CLCN5: variants seen among roughly 807,000 people sequenced by gnomAD.
The protein encoded by CLCN5 is Cl-/H+ antiporter 5, also known as H(+)/Cl(-) exchange transporter 5.
CLCN5 carries 17 observed loss-of-function variants against 54.0 expected under a neutral mutation model. That is an observed-to-expected ratio of 0.31 (90% CI 0.22 to 0.47). The LOEUF is 0.47. CLCN5 is among the 20% of genes least tolerant of loss of function. The probability of loss-of-function intolerance (pLI) is 1.00; values close to 1 mark genes in which losing one functional copy is unlikely to be tolerated. For synonymous variants in CLCN5, 222 were observed against 233.0 expected (o/e 0.95, Z 0.43); for missense variants, 448 against 646.7 (o/e 0.69, Z 3.33).
At chrX:49,966,525 T>C (rs1345521242) in intron 3 of CLCN5, among the ~76,000 whole-genome samples, 1 of 106,255 alleles carries the variant, frequency 9.4e-6, no homozygotes, top group African/African-American at 3.3e-5. Context: ...TTCCTTGATT[T>C]TTCTTTCATT....
At chrX:50,086,116 A>G in intron 10 of CLCN5, 56 bp downstream of exon 10, 1 of 976,887 alleles carries the variant, frequency 1.0e-6, no homozygotes, top group East Asian at 3.0e-5. Context: ...AATTTTGTAC[A>G]TTGCAGCGCA....
At chrX:50,019,336 C>G (rs1404424818) in intron 3 of CLCN5, among the ~76,000 whole-genome samples, 1 of 109,712 alleles carries the variant, frequency 9.1e-6, no homozygotes, top group African/African-American at 3.3e-5. Context: ...TGTAATTATA[C>G]ATATTTGTGG....
intron 3 of CLCN5, among the ~76,000 whole-genome samples, chrX:49,957,247 C>T (rs1468523235): frequency 9.0e-6 from 1 of 111,158 alleles, no homozygotes; most frequent in African/African-American, 3.3e-5. Context: ...CTGCAGTGAG[C>T]CAAGATTGCA....
chrX:50,023,102 G>A lies in CLCN5; in HGVS notation c.17-19214G>A, dbSNP rs1440067161. Among the ~76,000 whole-genome samples the A allele has an allele frequency of 8.2e-5, 8 of 97,577 alleles. No individual in the cohort carries two copies. In the Admixed American group the frequency reaches 8.3e-4, roughly 10 times the overall value. The allele number at this position is 97,577 out of a possible 115,157, so 84.7% of individuals were successfully genotyped here. ...TGTTAAAGTCTCCCATTATTAATGT[G>A]TGGGAGTCTTAAGTCTCTTTGTAGG... On this transcript the variant is annotated intron_variant, in intron 3 of 14. Coordinates refer to ENST00000376091, the MANE Select transcript of CLCN5 (RefSeq NM_001127898.4).
rs782124447 is a variant in CLCN5 at position 50,092,783 on chromosome X, G to A, written c.*564G>A. ...TTACAATATTTAGCATTATTAGTTTGTTATGTGTGTATGTTTATGTTAATT... is the reference window on the plus strand; with the variant it reads ...TTACAATATTTAGCATTATTAGTTTATTATGTGTGTATGTTTATGTTAATT... On this transcript the variant is annotated 3_prime_UTR_variant, in exon 15 of 15. Transcript: ENST00000376091. 8.6e-6 allele frequency: 1 copy of A among 115,899 alleles called. No homozygotes were observed. Among genetic ancestry groups the A allele is most frequent in the Non-Finnish European group, 1.8e-5 (1 of 55,186 alleles). 9.6% of individuals were successfully genotyped at this position (115,899 alleles called of 1,213,427 possible). A position where few individuals can be genotyped will look rare whatever the true frequency, so the allele number is the denominator to read the frequency against.
At chrX:49,966,565 C>A (rs1246336667) in intron 3 of CLCN5, among the ~76,000 whole-genome samples, 2 of 82,671 alleles carry the variant, frequency 2.4e-5, no homozygotes, top group Non-Finnish European at 5.1e-5. Flanking sequence ...TGTTTTCTAT[C>A]TCATTGATTT....
chrX:50,061,743 A>G (rs1932857197), intron 4 of CLCN5, among the ~76,000 whole-genome samples: 1 of 15,800 alleles, frequency 6.3e-5, no homozygotes, highest in Non-Finnish European at 1.1e-4. Flanking sequence ...AAAAATGTTA[A>G]GGGCAGCCAG....
chrX:50,095,934 GT>G lies in CLCN5; in HGVS notation c.*3719del, dbSNP rs1375638399. ...GTTATCCCACACTATCTCTTGTTTT[GT>G]TTTGTTTTGTTTTTAAATAATGAAC... On this transcript the variant is annotated 3_prime_UTR_variant, in exon 15 of 15. Coordinates refer to ENST00000376091, the MANE Select transcript of CLCN5 (RefSeq NM_001127898.4). 8.9e-6 allele frequency: 1 copy of G among 112,298 alleles called. No individual in the cohort carries two copies. The highest frequency in any genetic ancestry group is 3.2e-5 in the African/African-American group (1 of 30,899). The allele number at this position is 112,298 out of a possible 1,213,427, so 9.3% of individuals were successfully genotyped here. A position where few individuals can be genotyped will look rare whatever the true frequency, so the allele number is the denominator to read the frequency against.
At chrX:49,967,219 T>A in intron 3 of CLCN5, among the ~76,000 whole-genome samples, 1 of 23,225 alleles carries the variant, frequency 4.3e-5, no homozygotes. Flanking sequence ...TTGAACTAGT[T>A]TACAGTCCCA....
chrX:50,060,329 G>T, intron 4 of CLCN5, among the ~76,000 whole-genome samples: 1 of 110,803 alleles, frequency 9.0e-6, no homozygotes, highest in Non-Finnish European at 1.9e-5. Context: ...GCAGGGCGAG[G>T]CATTGCCTCA....
chrX:49,943,901 C>T (rs1207801749), intron 3 of CLCN5, among the ~76,000 whole-genome samples: 2 of 111,150 alleles, frequency 1.8e-5, no homozygotes, highest in East Asian at 5.6e-4. Flanking sequence ...TTTTTGGTTC[C>T]ATATGAACTT....
intron 3 of CLCN5, among the ~76,000 whole-genome samples, chrX:49,961,023 A>T (rs781806227): frequency 9.8e-5 from 11 of 111,695 alleles, no homozygotes; most frequent in African/African-American, 3.6e-4. Flanking sequence ...ATTAGGTGGG[A>T]TTATGTGTCC....
chrX:49,962,076 G>A (rs1333470899), intron 3 of CLCN5, among the ~76,000 whole-genome samples: 1 of 111,974 alleles, frequency 8.9e-6, no homozygotes, highest in Non-Finnish European at 1.9e-5. Flanking sequence ...TTCTACCTAA[G>A]CTTTCAAAGT....
At chrX:49,991,588 A>G (rs1929265936) in intron 3 of CLCN5, among the ~76,000 whole-genome samples, 1 of 111,874 alleles carries the variant, frequency 8.9e-6, no homozygotes, top group African/African-American at 3.3e-5. Context: ...TTCTTCTTGC[A>G]TTTGCTTTTG....
chrX:50,095,889 A>G lies in CLCN5; in HGVS notation c.*3670A>G, dbSNP rs188212225. The G allele has an allele frequency of 8.9e-6, 1 of 112,814 alleles. No individual in the cohort carries two copies. The highest frequency in any genetic ancestry group is 2.8e-4 in the East Asian group (1 of 3,611). The allele number at this position is 112,814 out of a possible 1,213,427, so 9.3% of individuals were successfully genotyped here. On this transcript the variant is annotated 3_prime_UTR_variant, in exon 15 of 15. Coordinates refer to ENST00000376091, the MANE Select transcript of CLCN5 (RefSeq NM_001127898.4). ...TGATTATTGTTTATTTTGTTAGGTG[A>G]TAAGTAGGAAGATGCACTTGTTATC...
At position 50,081,727 on chromosome X, in the gene CLCN5, A is replaced by G; in HGVS notation, c.813A>G (p.Ala271=). 1 of 1,209,836 alleles carries G rather than the reference A, an allele frequency of 8.3e-7. No individual in the cohort carries two copies. The highest frequency in any genetic ancestry group is 1.1e-6 in the Non-Finnish European group (1 of 893,862). The part of the protein sequence containing the change: ...LVIKTITLVL[A]VSSGLSLGKE... ...TCAAAACCATCACCTTGGTGCTGGC[A>G]GTGTCATCTGGCTTGAGCCTGGGCA... Residue 271 remains alanine (A), a synonymous_variant, in exon 9 of 15, where the codon GCA becomes GCG. Coordinates refer to ENST00000376091, the MANE Select transcript of CLCN5 (RefSeq NM_001127898.4).
intron 3 of CLCN5, among the ~76,000 whole-genome samples, chrX:49,982,189 C>G (rs1557177761): frequency 4.5e-5 from 5 of 110,832 alleles, no homozygotes; most frequent in Non-Finnish European, 1.9e-5. Context: ...CCCAGGGTAG[C>G]ATAAATGTAG....
At chrX:50,003,845 G>A (rs926529066) in intron 3 of CLCN5, among the ~76,000 whole-genome samples, 2 of 111,844 alleles carry the variant, frequency 1.8e-5, no homozygotes, top group South Asian at 3.8e-4. Flanking sequence ...CTGTCTTAGC[G>A]GCACCTAGAG....
At chrX:50,058,221 G>T (rs1409488694) in intron 4 of CLCN5, among the ~76,000 whole-genome samples, 1 of 111,508 alleles carries the variant, frequency 9.0e-6, no homozygotes, top group Non-Finnish European at 1.9e-5. Flanking sequence ...TCTTTAGGTT[G>T]TTGCCAATTA....
Sources: allele counts gnomAD v4.1 joint callset (sites outside exome capture counted in the v4.1 genomes callset), GRCh38; gene constraint gnomAD v4.1.1; transcripts MANE v1.5; gene names NCBI Gene and HGNC (gene_info 2026-07-23, HGNC 2026-07-21).